PTK2: variants seen among roughly 807,000 people sequenced by gnomAD.
PTK2 encodes protein tyrosine kinase 2, also known as focal adhesion kinase 1.
Under a neutral mutation model 150.1 loss-of-function variants are expected in PTK2, and 45 were observed. The ratio of observed to expected loss-of-function variants is 0.30; its 90% CI spans 0.24 to 0.38. The LOEUF (loss-of-function observed/expected upper bound fraction) is 0.38. Ranked by LOEUF, PTK2 falls within the 10% of genes least tolerant of loss-of-function variation. The pLI is 1.00. For synonymous variants in PTK2, 432 were observed against 449.2 expected, an observed-to-expected ratio of 0.96 and a Z score of 0.48; for missense variants, 919 against 1,307.3, an observed-to-expected ratio of 0.70 and a Z score of 4.58.
chr8:140,781,176 G>C (rs142660621), intron 14 of PTK2, among the ~76,000 whole-genome samples: 1 of 152,172 alleles, frequency 6.6e-6, no homozygotes, highest in Non-Finnish European at 1.5e-5. Context: ...AAACTTTCAA[G>C]CATTCCCTTT....
At chr8:140,778,519 A>G (rs1035340535) in intron 14 of PTK2, among the ~76,000 whole-genome samples, 5 of 152,238 alleles carry the variant, frequency 3.3e-5, no homozygotes, top group Admixed American at 3.3e-4. Context: ...GGCAGCACTT[A>G]TGGCTGGCAA....
chr8:140,681,737 A>C (rs182151627), intron 27 of PTK2, among the ~76,000 whole-genome samples: 1 of 152,194 alleles, frequency 6.6e-6, no homozygotes, highest in East Asian at 1.9e-4. Flanking sequence ...AGATCGCGCC[A>C]CTGCACTCCA....
At chr8:140,837,589 C>T (rs572360295) in intron 7 of PTK2, among the ~76,000 whole-genome samples, 2 of 151,378 alleles carry the variant, frequency 1.3e-5, no homozygotes, top group Non-Finnish European at 2.9e-5. Flanking sequence ...ATTAGCTGGG[C>T]GTGGTGGTGC....
At chr8:140,919,904 C>T (rs772551991) in intron 2 of PTK2, among the ~76,000 whole-genome samples, 3 of 151,980 alleles carry the variant, frequency 2.0e-5, no homozygotes, top group African/African-American at 7.2e-5. Context: ...TAAATAAAAG[C>T]GATTTTAATG....
intron 4 of PTK2, among the ~76,000 whole-genome samples, chr8:140,867,783 A>T (rs1277263526): frequency 6.6e-6 from 1 of 152,172 alleles, no homozygotes; most frequent in Non-Finnish European, 1.5e-5. Context: ...GCTTCAACAC[A>T]CTACAGTCTA....
intron 14 of PTK2, among the ~76,000 whole-genome samples, chr8:140,775,313 C>T (rs2100077781): frequency 6.6e-6 from 1 of 152,070 alleles, no homozygotes; most frequent in African/African-American, 2.4e-5. Context: ...TGGCAAAATA[C>T]TCTCTTTACA....
chr8:140,740,766 C>G lies in PTK2; in HGVS notation c.1736-1659G>C, dbSNP rs868003513. 9.9e-5 allele frequency among the ~76,000 whole-genome samples: 15 copies of G among 152,136 alleles called. 1 individual carries two copies. The highest frequency in any genetic ancestry group is 9.8e-4 in the Admixed American group (15 of 15,276). ...TTTAGAAATAATGAAAAGTTGACTT[C>G]GTCTTTTTAAAGTTAAATGACTAAA... On this transcript the variant is annotated intron_variant, in intron 20 of 31. Transcript: ENST00000522684.
chr8:140,660,691 A>G (rs1400530892), intron 31 of PTK2: 1 of 446,458 alleles, frequency 2.2e-6, no homozygotes, highest in Admixed American at 2.4e-5. Flanking sequence ...GTGCCATTGC[A>G]CTCCAGCCTG....
intron 7 of PTK2, among the ~76,000 whole-genome samples, chr8:140,841,742 T>C (rs2100122485): frequency 2.0e-5 from 3 of 151,764 alleles, no homozygotes; most frequent in South Asian, 4.1e-4. Flanking sequence ...AAAGAAAAAA[T>C]ATATTAGAAA....
At chr8:140,879,733 A>G in intron 3 of PTK2, 96 bp from the exon 4 acceptor site, 1 of 1,114,394 alleles carries the variant, frequency 9.0e-7, no homozygotes, top group Non-Finnish European at 1.2e-6. Context: ...ACAAAAAAAA[A>G]ACTATATGCT....
intron 8 of PTK2, among the ~76,000 whole-genome samples, chr8:140,826,306 T>C (rs2100111717): frequency 6.6e-6 from 1 of 152,216 alleles, no homozygotes; most frequent in African/African-American, 2.4e-5. Flanking sequence ...TTATAGTTGT[T>C]ACCCCCATGA....
At chr8:140,755,347 C>T (rs1314509890) in intron 16 of PTK2, among the ~76,000 whole-genome samples, 1 of 152,062 alleles carries the variant, frequency 6.6e-6, no homozygotes, top group Non-Finnish European at 1.5e-5. Flanking sequence ...TTCACATGGC[C>T]CCACACATGT....
At chr8:140,909,706 T>A (rs1473135800) in intron 2 of PTK2, 2 of 152,198 alleles carry the variant, frequency 1.3e-5, no homozygotes, top group Non-Finnish European at 2.9e-5. Flanking sequence ...ACAATAACAG[T>A]TGTTAAAGAA....
chr8:140,860,764 G>A (rs114615051), intron 5 of PTK2, among the ~76,000 whole-genome samples: 1,586 of 151,782 alleles, frequency 0.01, 22 homozygotes, highest in African/African-American at 0.035. Flanking sequence ...GTTAGCCACC[G>A]CACCCAGACA....
chr8:140,713,417 C>G (rs1321370945), intron 23 of PTK2, among the ~76,000 whole-genome samples: 5 of 152,182 alleles, frequency 3.3e-5, no homozygotes, highest in African/African-American at 4.8e-5. Flanking sequence ...CAGGCACCAA[C>G]TTGCTTAGCT....
At chr8:140,724,999 A>G (rs1341446448) in intron 22 of PTK2, among the ~76,000 whole-genome samples, 4 of 152,234 alleles carry the variant, frequency 2.6e-5, no homozygotes, top group Non-Finnish European at 1.5e-5. Flanking sequence ...ATCCAGCTTC[A>G]TGGATATATT....
chr8:140,810,231 G>A (rs1256129604), intron 10 of PTK2, among the ~76,000 whole-genome samples: 1 of 152,276 alleles, frequency 6.6e-6, no homozygotes, highest in East Asian at 1.9e-4. Context: ...GCAGCCAGCT[G>A]AGGTGGAGCC....
intron 16 of PTK2, among the ~76,000 whole-genome samples, chr8:140,758,060 T>C (rs1284483348): frequency 1.3e-5 from 2 of 152,228 alleles, no homozygotes; most frequent in African/African-American, 2.4e-5. Flanking sequence ...TCTAATATAC[T>C]ACACTTTTAA....
chr8:140,688,545 T>C (rs528395629), intron 26 of PTK2, among the ~76,000 whole-genome samples: 2 of 151,918 alleles, frequency 1.3e-5, no homozygotes, highest in Non-Finnish European at 2.9e-5. Flanking sequence ...TGAGAACTCA[T>C]CTCTACAAAG....
Sources: allele counts gnomAD v4.1 joint callset (sites outside exome capture counted in the v4.1 genomes callset), GRCh38; gene constraint gnomAD v4.1.1; transcripts MANE v1.5; gene names NCBI Gene and HGNC (gene_info 2026-07-23, HGNC 2026-07-21).